Variants in LRRN2 observed in about 807,000 individuals in gnomAD.
LRRN2 encodes leucine-rich repeat neuronal protein 2.
In LRRN2, 10 loss-of-function variants were observed where a neutral mutation model predicts 35.7. The ratio of observed to expected loss-of-function variants is 0.28; its 90% CI spans 0.17 to 0.47. LRRN2 has a LOEUF of 0.47. Ranked by LOEUF, LRRN2 falls within the 20% of genes least tolerant of loss-of-function variation. The pLI, the probability that LRRN2 is intolerant of heterozygous loss-of-function variation, is 0.99. For missense variants in LRRN2, 731 were observed against 940.3 expected (o/e 0.78, Z 2.91); for synonymous variants, 391 against 409.6 (o/e 0.95, Z 0.55).
intron 1 of LRRN2, among the ~76,000 whole-genome samples, chr1:204,684,806 A>G (rs527409083): frequency 6.6e-5 from 10 of 152,122 alleles, no homozygotes; most frequent in African/African-American, 2.2e-4. Flanking sequence ...CTTCAGACAG[A>G]CCCAAGGCCA....
intron 1 of LRRN2, among the ~76,000 whole-genome samples, chr1:204,637,677 T>A (rs1373364515): frequency 6.9e-6 from 1 of 145,702 alleles, no homozygotes; most frequent in Non-Finnish European, 1.5e-5. Flanking sequence ...TGTGTGTGTG[T>A]GTGTGTGTGT....
intron 1 of LRRN2, among the ~76,000 whole-genome samples, chr1:204,640,952 A>T (rs1462302499): frequency 6.6e-6 from 1 of 151,888 alleles, no homozygotes; most frequent in Non-Finnish European, 1.5e-5. Flanking sequence ...GTTAATGTGG[A>T]TCTAAATCCA....
chr1:204,679,947 A>C (rs1668910621), intron 1 of LRRN2, among the ~76,000 whole-genome samples: 2 of 152,210 alleles, frequency 1.3e-5, no homozygotes, highest in South Asian at 4.1e-4. Flanking sequence ...TGGCTTGGGC[A>C]GGGCTGGCTT....
At chr1:204,661,900 C>T (rs942825127) in intron 1 of LRRN2, among the ~76,000 whole-genome samples, 1 of 147,766 alleles carries the variant, frequency 6.8e-6, no homozygotes, top group African/African-American at 2.4e-5. Flanking sequence ...TGCTTTGCTG[C>T]ACCCCTGCAC....
intron 1 of LRRN2, among the ~76,000 whole-genome samples, chr1:204,640,818 C>T (rs1197131485): frequency 2.0e-5 from 3 of 152,034 alleles, no homozygotes; most frequent in Non-Finnish European, 2.9e-5. Flanking sequence ...GTGGGGCAGG[C>T]TAGGGAGGAC....
chr1:204,681,482 T>G (rs755305625), intron 1 of LRRN2, among the ~76,000 whole-genome samples: 5 of 152,212 alleles, frequency 3.3e-5, no homozygotes, highest in Non-Finnish European at 7.3e-5. Context: ...ATGAGGAAAC[T>G]GAGACGAAGA....
Position 204,617,764 on chromosome 1 carries a change from TC to T in LRRN2, c.*86del. 1 of 1,465,790 alleles carries T rather than the reference TC, an allele frequency of 6.8e-7. No individual in the cohort carries two copies. Among genetic ancestry groups the T allele is most frequent in the Non-Finnish European group, 9.5e-7 (1 of 1,055,866 alleles). 90.8% of individuals were successfully genotyped at this position (1,465,790 alleles called of 1,614,324 possible). Reference sequence around the variant, plus strand: ...TCAAGCACGTGGGTCCATGTCCCTTTCCTGGCAGGGCATCTGGCCCAGACTG... The same window carrying T: ...TCAAGCACGTGGGTCCATGTCCCTTTCTGGCAGGGCATCTGGCCCAGACTG... On this transcript the variant is annotated 3_prime_UTR_variant, in exon 2 of 2. Coordinates refer to ENST00000367177, the MANE Select transcript of LRRN2 (RefSeq NM_201630.2).
At chr1:204,660,583 T>A (rs113949850) in intron 1 of LRRN2, among the ~76,000 whole-genome samples, 158 of 139,004 alleles carry the variant, frequency 1.1e-3, no homozygotes, top group African/African-American at 2.7e-3. Flanking sequence ...ACACACACTC[T>A]CTCTCTCTCT....
At chr1:204,673,084 G>A (rs1668747533) in intron 1 of LRRN2, among the ~76,000 whole-genome samples, 1 of 152,176 alleles carries the variant, frequency 6.6e-6, no homozygotes, top group Non-Finnish European at 1.5e-5. Context: ...CCCTCTGTCA[G>A]ATGATATATG....
intron 1 of LRRN2, chr1:204,620,949 G>C (rs1666845985): frequency 6.0e-6 from 1 of 166,786 alleles, no homozygotes; most frequent in African/African-American, 2.4e-5. Context: ...AGGTGGGTGA[G>C]GGTTGGTGGA....
chr1:204,618,673 G>A lies in LRRN2; in HGVS notation c.1320C>T (p.Ser440=). 6.2e-7 allele frequency: 1 copy of A among 1,603,034 alleles called. No individual in the cohort carries two copies. The highest frequency in any genetic ancestry group is 8.5e-7 in the Non-Finnish European group (1 of 1,173,948). Residue 440 remains serine, a synonymous_variant, in exon 2 of 2, where the codon AGC becomes AGT. Coordinates refer to ENST00000367177, the MANE Select transcript of LRRN2 (RefSeq NM_201630.2). The part of the protein sequence containing the change: ...PPSLQVASGE[S]MVLHCRALAE... ...CCAGTGCCCGGCAATGCAGCACCATGCTCTCTCCACTGGCTACCTGGAGGC... is the reference window on the plus strand; with the variant it reads ...CCAGTGCCCGGCAATGCAGCACCATACTCTCTCCACTGGCTACCTGGAGGC...
intron 1 of LRRN2, among the ~76,000 whole-genome samples, chr1:204,669,199 T>A (rs534630593): frequency 9.1e-4 from 139 of 152,344 alleles, no homozygotes; most frequent in Non-Finnish European, 1.7e-3. Context: ...GAGCCTACAC[T>A]GGAAACTCAA....
chr1:204,674,172 T>C (rs1319942226), intron 1 of LRRN2, among the ~76,000 whole-genome samples: 1 of 152,120 alleles, frequency 6.6e-6, no homozygotes, highest in African/African-American at 2.4e-5. Context: ...GCCCTGGACC[T>C]GAAGCAGCTC....
At chr1:204,622,757 C>T (rs1312385244) in intron 1 of LRRN2, among the ~76,000 whole-genome samples, 2 of 152,250 alleles carry the variant, frequency 1.3e-5, no homozygotes, top group East Asian at 1.9e-4. Flanking sequence ...AGACCCCTGA[C>T]TGCCACCTAG....
intron 1 of LRRN2, among the ~76,000 whole-genome samples, chr1:204,638,402 CTTTTTTTTTTT>C (rs971289134): frequency 4.2e-5 from 3 of 71,688 alleles, no homozygotes; most frequent in Non-Finnish European, 7.2e-5. Context: ...CAAGGTCTTC[CTTTTTTTTTTT>C]TTTTTTTTTT....
intron 1 of LRRN2, among the ~76,000 whole-genome samples, chr1:204,646,320 C>T (rs1463665404): frequency 6.6e-6 from 1 of 151,970 alleles, no homozygotes; most frequent in Non-Finnish European, 1.5e-5. Context: ...TTGGGGTAGG[C>T]TGTGTGCGTG....
rs780781216 is a variant in LRRN2 at position 204,619,242 on chromosome 1, G to A, written c.751C>T (p.Arg251Trp). ...SLSFYDNQLA[R>W]VPRRALEQVP... ...TGTTCCAGTGCCCGCCTGGGCACCC[G>A]GGCCAGCTGGTTGTCATAGAAGGAG... The change falls in exon 2 of 2, where the codon CGG (arginine) becomes TGG (tryptophan). Residue 251 changes from arginine to tryptophan, a missense_variant. Around this residue, in one of 3 missense-constraint regions of LRRN2, gnomAD observed 256 missense variants for 392.4 expected, o/e 0.65. Transcript: ENST00000367177. 74 of 1,613,990 alleles carry A rather than the reference G, an allele frequency of 4.6e-5. No homozygotes were observed. Among genetic ancestry groups the A allele is most frequent in the Middle Eastern group, 1.6e-4 (1 of 6,082 alleles).
chr1:204,664,558 G>A (rs572258173), intron 1 of LRRN2: 24 of 152,260 alleles, frequency 1.6e-4, no homozygotes, highest in African/African-American at 5.8e-4. Context: ...ACCTCCTCAG[G>A]AAACTCACTC....
At chr1:204,668,150 C>T (rs563831717) in intron 1 of LRRN2, among the ~76,000 whole-genome samples, 8 of 152,340 alleles carry the variant, frequency 5.3e-5, no homozygotes, top group African/African-American at 1.7e-4. Flanking sequence ...TGCTCCAAAC[C>T]AAACTGCACA....
Sources: gnomAD v4.1 joint callset for allele counts (sites outside exome capture counted in the v4.1 genomes callset) on GRCh38, gnomAD v4.1.1 for gene constraint, gnomAD v4.1.1 regional missense constraint, MANE v1.5 for transcripts, NCBI Gene and HGNC (gene_info 2026-07-23, HGNC 2026-07-21) for gene names.